OTOG: variants seen among roughly 807,000 people sequenced by gnomAD.
OTOG encodes otogelin.
OTOG carries 296 observed loss-of-function variants against 313.8 expected under a neutral mutation model. That is an observed-to-expected ratio of 0.94 (90% CI 0.86 to 1.04). The LOEUF (loss-of-function observed/expected upper bound fraction) is 1.04. Among genes scored for constraint, OTOG ranks in the 50% least tolerant of loss-of-function variants. OTOG has a pLI of 0.00. For synonymous variants in OTOG, 1,533 were observed against 1,554.9 expected (o/e 0.99, Z 0.33); for missense variants, 3,948 against 3,840.1 (o/e 1.03, Z -0.74).
chr11:17,552,197 C>A, intron 4 of OTOG, 122 bp downstream of exon 4: 1 of 963,310 alleles, frequency 1.0e-6, no homozygotes, highest in Non-Finnish European at 1.6e-6. Flanking sequence ...TCCTGCTTGG[C>A]ATCTCCTTCC....
Position 17,548,335 on chromosome 11 carries a change from C to T in OTOG, c.216+123C>T, listed in dbSNP as rs564862751. 2.7e-5 allele frequency: 20 copies of T among 747,236 alleles called. No homozygotes were observed. In the African/African-American group the frequency reaches 3.2e-4, roughly 12 times the overall value. 46.3% of individuals were successfully genotyped at this position (747,236 alleles called of 1,614,324 possible). ...CTGGAGTTGTTCAGAAAGGAACAAGCAGATTCCTGGTATGTGTCTGAGGTG... is the reference window on the plus strand; with the variant it reads ...CTGGAGTTGTTCAGAAAGGAACAAGTAGATTCCTGGTATGTGTCTGAGGTG... On this transcript the variant is annotated intron_variant, in intron 3 of 55. Coordinates refer to ENST00000399397, the MANE Select transcript of OTOG (RefSeq NM_001292063.2).
chr11:17,638,597 C>A, intron 48 of OTOG, 48 bp downstream of exon 48: 1 of 1,529,884 alleles, frequency 6.5e-7, no homozygotes. Context: ...TCCAGTGGCC[C>A]TGCTGAGGAG....
intron 40 of OTOG, 77 bp downstream of exon 40, chr11:17,629,393 G>T: frequency 1.4e-6 from 2 of 1,432,904 alleles, no homozygotes; most frequent in Non-Finnish European, 1.9e-6. Context: ...TCCTCCTGGA[G>T]CAGGAAAGGC....
rs1455037261 is a variant in OTOG at position 17,553,174 on chromosome 11, C to T, written c.348C>T (p.Cys116=). The T allele has an allele frequency of 1.3e-6, 2 of 1,550,436 alleles. No individual in the cohort carries two copies. The highest frequency in any genetic ancestry group is 1.7e-6 in the Non-Finnish European group (2 of 1,146,998). ...GECVHPAFCD[C]RRFNATGPRC... The stretch of plus-strand genomic sequence containing the variant: ...GTGTGCACCCAGCCTTCTGTGACTG[C>T]AGACGCTTCAATGCCACTGGACCGC... Residue 116 remains cysteine, a synonymous_variant, in exon 5 of 56, where the codon TGC becomes TGT. Transcript: ENST00000399397.
chr11:17,590,703 C>T (rs117853495), intron 24 of OTOG, among the ~76,000 whole-genome samples: 2,825 of 152,324 alleles, frequency 0.019, 34 homozygotes, highest in Non-Finnish European at 0.028. Flanking sequence ...GTCACCTGAC[C>T]GTCCGTCGCC....
intron 19 of OTOG, among the ~76,000 whole-genome samples, chr11:17,574,421 C>T (rs1852472230): frequency 6.6e-6 from 1 of 152,106 alleles, no homozygotes. Flanking sequence ...ACCCCTTCCC[C>T]AATGTCACTG....
chr11:17,610,945 T>G lies in OTOG; in HGVS notation c.5645T>G (p.Leu1882Trp), dbSNP rs1853520533. The change falls in exon 36 of 56, where the codon TTG (leucine) becomes TGG (tryptophan). Residue 1882 changes from leucine (L) to tryptophan (W), a missense_variant. Coordinates refer to ENST00000399397, the MANE Select transcript of OTOG (RefSeq NM_001292063.2). ...CCAGGCCTGCTGCTGGGAGCCACAT[T>G]GCCAACCTCTGGAGTCCTGCCTGTG... ...TAPGLLLGAT[L>W]PTSGVLPVAE... 2 of 1,550,394 alleles carry G rather than the reference T, an allele frequency of 1.3e-6. No homozygotes were observed. The highest frequency in any genetic ancestry group is 1.4e-5 in the African/African-American group (1 of 73,040).
chr11:17,637,020 G>A (rs1013525419), intron 47 of OTOG, among the ~76,000 whole-genome samples: 25 of 152,160 alleles, frequency 1.6e-4, no homozygotes, highest in Middle Eastern at 3.4e-3. Context: ...CCCAGTCTTC[G>A]TCATACTTTT....
chr11:17,637,749 T>A (rs1230452905), intron 47 of OTOG, among the ~76,000 whole-genome samples: 1 of 152,210 alleles, frequency 6.6e-6, no homozygotes, highest in Non-Finnish European at 1.5e-5. Flanking sequence ...AACCTATTAC[T>A]TTGACACCAT....
chr11:17,547,512 G>C, intron 1 of OTOG, 46 bp downstream of exon 1: 1 of 1,318,246 alleles, frequency 7.6e-7, no homozygotes, highest in East Asian at 3.1e-5. Context: ...CGAGGAATGA[G>C]AAACGTTAAA....
intron 26 of OTOG, 129 bp from the exon 27 acceptor site, chr11:17,593,481 C>G: frequency 7.0e-7 from 1 of 1,431,412 alleles, no homozygotes; most frequent in Non-Finnish European, 9.4e-7. Flanking sequence ...TGGCCAGGGT[C>G]AGGAACACAG....
intron 33 of OTOG, 98 bp downstream of exon 33, chr11:17,606,233 A>T: frequency 7.2e-7 from 1 of 1,384,076 alleles, no homozygotes; most frequent in Non-Finnish European, 9.5e-7. Flanking sequence ...TACCCCTAAG[A>T]AGCAGAATCC....
Position 17,643,407 on chromosome 11 carries a change from G to A in OTOG, c.8416-54G>A, listed in dbSNP as rs906674746. The A allele has an allele frequency of 4.5e-5, 57 of 1,264,570 alleles. No individual in the cohort carries two copies. In the East Asian group the frequency reaches 6.1e-4, roughly 13 times the overall value. 78.3% of individuals were successfully genotyped at this position (1,264,570 alleles called of 1,614,324 possible). A position where few individuals can be genotyped will look rare whatever the true frequency, so the allele number is the denominator to read the frequency against. ...GCCTGTTTCTGGGATCTTGGCTCCC[G>A]GCCTGGACAGGGGTCTCCACACCTA... On this transcript the variant is annotated intron_variant, in intron 53 of 55. Transcript: ENST00000399397.
At chr11:17,613,096 T>C (rs529582535) in intron 38 of OTOG, among the ~76,000 whole-genome samples, 5 of 152,322 alleles carry the variant, frequency 3.3e-5, no homozygotes, top group East Asian at 1.9e-4. Flanking sequence ...GGGTGCTGGC[T>C]GCAGGGAATC....
chr11:17,585,706 T>C (rs1356979779), intron 23 of OTOG, among the ~76,000 whole-genome samples: 1 of 152,172 alleles, frequency 6.6e-6, no homozygotes. Flanking sequence ...GGTTCCATCA[T>C]CCTGTACTAT....
At chr11:17,584,514 A>T (rs1255563794) in intron 23 of OTOG, among the ~76,000 whole-genome samples, 6 of 151,364 alleles carry the variant, frequency 4.0e-5, no homozygotes, top group African/African-American at 1.5e-4. Flanking sequence ...ATAAATGGGT[A>T]TTGAATTGTC....
chr11:17,589,010 C>A (rs1341260123), intron 24 of OTOG, among the ~76,000 whole-genome samples: 3 of 152,142 alleles, frequency 2.0e-5, no homozygotes, highest in Admixed American at 2.0e-4. Context: ...AACCTGTGGT[C>A]CAGAACCATA....
intron 39 of OTOG, among the ~76,000 whole-genome samples, chr11:17,628,232 G>C (rs1201691591): frequency 6.6e-6 from 1 of 152,052 alleles, no homozygotes; most frequent in Admixed American, 6.5e-5. Flanking sequence ...TGCTTTTGCT[G>C]TATCCTGTAG....
At chr11:17,637,296 A>C (rs908921534) in intron 47 of OTOG, among the ~76,000 whole-genome samples, 1 of 151,926 alleles carries the variant, frequency 6.6e-6, no homozygotes, top group Admixed American at 6.6e-5. Flanking sequence ...TTTTCAACTC[A>C]TCTCATGCCC....
Sources: allele counts gnomAD v4.1 joint callset (sites outside exome capture counted in the v4.1 genomes callset), GRCh38; gene constraint gnomAD v4.1.1; transcripts MANE v1.5; gene names NCBI Gene and HGNC (gene_info 2026-07-23, HGNC 2026-07-21).